Variants in CAB39 observed in about 807,000 individuals in gnomAD.
CAB39 encodes calcium-binding protein 39.
CAB39 carries 8 observed loss-of-function variants against 40.0 expected under a neutral mutation model. That is an observed-to-expected ratio of 0.20 (90% CI 0.12 to 0.36). The LOEUF is 0.36. CAB39 is among the 10% of genes least tolerant of loss of function. CAB39 has a pLI of 1.00. For missense variants in CAB39, 270 were observed against 401.1 expected (o/e 0.67, Z 2.79); for synonymous variants, 156 against 141.6 (o/e 1.10, Z -0.72).
rs532125607 is a variant in CAB39, at chr2:230,787,705, G to A, written c.115-3167G>A. On this transcript the variant is annotated intron_variant, in intron 2 of 8. Transcript: ENST00000258418. ...GAGGAGTGGTGGTCTGGTGTCTTCT[G>A]CATTGTACCATTCTGGATAGGGCTG... is the stretch of plus-strand genomic sequence containing the variant. Among the ~76,000 whole-genome samples the A allele has an allele frequency of 9.8e-5, 15 of 152,298 alleles. No individual in the cohort carries two copies. In the South Asian group the frequency reaches 3.1e-3, roughly 32 times the overall value.
In CAB39 at chr2:230,818,554, A is replaced by G. The variant is rs1250464211; in HGVS notation, c.876A>G (p.Leu292=). The G allele has an allele frequency of 6.2e-7, 1 of 1,614,162 alleles. No homozygotes were observed. The highest frequency in any genetic ancestry group is 2.2e-5 in the East Asian group (1 of 44,882). ...ATCCTAACAAGACGCAGCCCATCCT[A>G]GACATCCTCCTCAAGAACCAGGCCA... ...VANPNKTQPI[L]DILLKNQAKL... Residue 292 remains leucine (L), a synonymous_variant, in exon 9 of 9, where the codon CTA becomes CTG. Coordinates refer to ENST00000258418, the MANE Select transcript of CAB39 (RefSeq NM_016289.4).
At chr2:230,755,485 G>C (rs1234301877) in intron 1 of CAB39, among the ~76,000 whole-genome samples, 2 of 152,080 alleles carry the variant, frequency 1.3e-5, no homozygotes, top group Non-Finnish European at 2.9e-5. Context: ...TTTTTGATGG[G>C]ATTATTGGTT....
intron 1 of CAB39, among the ~76,000 whole-genome samples, chr2:230,755,964 C>T (rs1335164934): frequency 6.6e-6 from 1 of 152,208 alleles, no homozygotes; most frequent in Admixed American, 6.5e-5. Flanking sequence ...TGCCCATGTG[C>T]TGCACATCCT....
At chr2:230,792,630 C>CA (rs1695910910) in intron 3 of CAB39, among the ~76,000 whole-genome samples, 1 of 152,230 alleles carries the variant, frequency 6.6e-6, no homozygotes, top group Non-Finnish European at 1.5e-5. Flanking sequence ...GATCTCTGAA[C>CA]TACTGTATCA....
At chr2:230,737,492 G>A (rs1575910595) in intron 1 of CAB39, among the ~76,000 whole-genome samples, 1 of 152,156 alleles carries the variant, frequency 6.6e-6, no homozygotes, top group African/African-American at 2.4e-5. Flanking sequence ...CCCAGCATTT[G>A]GGGAGATAGA....
intron 2 of CAB39, among the ~76,000 whole-genome samples, chr2:230,768,296 A>G (rs1290841675): frequency 1.3e-5 from 2 of 152,182 alleles, no homozygotes; most frequent in Non-Finnish European, 2.9e-5. Flanking sequence ...CTACTGTATT[A>G]TATTTCTTTT....
chr2:230,768,750 A>G (rs944337007), intron 2 of CAB39, among the ~76,000 whole-genome samples: 2 of 152,146 alleles, frequency 1.3e-5, no homozygotes, highest in South Asian at 4.1e-4. Flanking sequence ...TAAAAGTATG[A>G]CTCTGTATGT....
intron 1 of CAB39, among the ~76,000 whole-genome samples, chr2:230,735,680 A>T (rs1458455381): frequency 6.6e-6 from 1 of 150,582 alleles, no homozygotes; most frequent in African/African-American, 2.4e-5. Context: ...CACTCAGCTA[A>T]GTTTTAAATT....
intron 1 of CAB39, among the ~76,000 whole-genome samples, chr2:230,726,482 G>GT (rs1694574172): frequency 6.6e-6 from 1 of 151,772 alleles, no homozygotes; most frequent in African/African-American, 2.4e-5. Flanking sequence ...TCATTTTGAT[G>GT]TTTTTATAGG....
chr2:230,775,142 T>A (rs540126914), intron 2 of CAB39, among the ~76,000 whole-genome samples: 1 of 152,152 alleles, frequency 6.6e-6, no homozygotes. Flanking sequence ...TGTTAAAGAT[T>A]GGGTTTAAAG....
At chr2:230,748,831 A>AAAATATATATAT (rs1386799920) in intron 1 of CAB39, among the ~76,000 whole-genome samples, 25 of 28,480 alleles carry the variant, frequency 8.8e-4, no homozygotes, top group South Asian at 1.6e-3. Context: ...AAAAAAAAAA[A>AAAATATATATAT]ATATATATAT....
intron 2 of CAB39, among the ~76,000 whole-genome samples, chr2:230,790,416 T>C (rs1055394013): frequency 6.6e-6 from 1 of 152,178 alleles, no homozygotes; most frequent in African/African-American, 2.4e-5. Flanking sequence ...TCTTCCCTTA[T>C]TTCCTCCACA....
At chr2:230,752,031 C>CA (rs1203876818) in intron 1 of CAB39, 261 of 23,952 alleles carry the variant, frequency 0.011, 5 homozygotes, top group African/African-American at 0.057. Context: ...TTCTGACCAC[C>CA]CCCCCCCCCC....
chr2:230,724,244 CAAAA>C (rs60084225), intron 1 of CAB39, among the ~76,000 whole-genome samples: 1 of 101,112 alleles, frequency 9.9e-6, no homozygotes, highest in African/African-American at 2.9e-5. Context: ...AAGACTGTCT[CAAAA>C]AAAAAAAAAA....
chr2:230,716,659 C>T (rs1303255145), intron 1 of CAB39, among the ~76,000 whole-genome samples: 1 of 152,252 alleles, frequency 6.6e-6, no homozygotes, highest in Non-Finnish European at 1.5e-5. Context: ...GCCCCAGCCT[C>T]CCAAAGCACT....
At chr2:230,813,121 G>A (rs181460032) in intron 6 of CAB39, among the ~76,000 whole-genome samples, 121 of 152,316 alleles carry the variant, frequency 7.9e-4, no homozygotes, top group African/African-American at 2.9e-3. Context: ...TACTAGTGCT[G>A]CAGACTTTCA....
chr2:230,815,812 A>T (rs1696389838), intron 7 of CAB39, among the ~76,000 whole-genome samples: 1 of 152,244 alleles, frequency 6.6e-6, no homozygotes, highest in African/African-American at 2.4e-5. Context: ...TGGGCCTGTG[A>T]GTGCCCCATG....
chr2:230,795,322 T>G (rs2124962305), intron 4 of CAB39, among the ~76,000 whole-genome samples: 1 of 152,034 alleles, frequency 6.6e-6, no homozygotes, highest in East Asian at 1.9e-4. Flanking sequence ...CTGAATTTGG[T>G]TAATACTCTG....
chr2:230,734,629 C>G (rs1559592191), intron 1 of CAB39, among the ~76,000 whole-genome samples: 1 of 152,176 alleles, frequency 6.6e-6, no homozygotes. Flanking sequence ...AATCAAACAT[C>G]CATAGACTTC....
Sources: gnomAD v4.1 joint callset for allele counts (sites outside exome capture counted in the v4.1 genomes callset) on GRCh38, gnomAD v4.1.1 for gene constraint, MANE v1.5 for transcripts, NCBI Gene and HGNC (gene_info 2026-07-23, HGNC 2026-07-21) for gene names.